TTYH1: variants seen among roughly 807,000 people sequenced by gnomAD.
TTYH1 encodes protein tweety homolog 1.
Under a neutral mutation model 61.2 loss-of-function variants are expected in TTYH1, and 33 were observed. The ratio of observed to expected loss-of-function variants is 0.54; its 90% CI spans 0.41 to 0.72. The LOEUF (loss-of-function observed/expected upper bound fraction) is 0.72, where lower values mean the gene tolerates loss of function less well. Among genes scored for constraint, TTYH1 ranks in the 30% least tolerant of loss-of-function variants. The pLI, the probability that TTYH1 is intolerant of heterozygous loss-of-function variation, is 0.00. For synonymous variants in TTYH1, 308 were observed against 266.4 expected (o/e 1.16, Z -1.52); for missense variants, 538 against 575.8 (o/e 0.93, Z 0.67).
Position 54,416,780 on chromosome 19 carries a change from C to T in TTYH1, c.126+1102C>T, listed in dbSNP as rs755284565. Reference sequence around the variant, plus strand: ...CCACACACGGGGACCGCCGTCCCCTCGCCCACAGCCTCGCGGTTACACAAC... The same window carrying T: ...CCACACACGGGGACCGCCGTCCCCTTGCCCACAGCCTCGCGGTTACACAAC... On this transcript the variant is annotated intron_variant, in intron 1 of 13. Transcript: ENST00000376530. The surrounding 1 kb of genome is among the most constrained non-coding windows in gnomAD (Gnocchi z 7.0). 17 of 1,293,652 alleles carry T rather than the reference C, an allele frequency of 1.3e-5. 1 individual carries two copies. In the South Asian group the frequency reaches 2.0e-4, roughly 15 times the overall value. 80.1% of individuals were successfully genotyped at this position (1,293,652 alleles called of 1,614,324 possible).
At chr19:54,430,451 G>GC in intron 7 of TTYH1, 99 bp from the exon 8 acceptor site, 2 of 1,326,444 alleles carry the variant, frequency 1.5e-6, no homozygotes, top group Non-Finnish European at 2.2e-6. Context: ...CTGGGCTGAG[G>GC]CCCCTAACCC....
intron 4 of TTYH1, 174 bp from the exon 5 acceptor site, chr19:54,426,499 C>G: frequency 3.2e-6 from 2 of 634,264 alleles, no homozygotes; most frequent in East Asian, 5.4e-5. Context: ...AACACTATTT[C>G]ACAGAGGACC....
intron 4 of TTYH1, among the ~76,000 whole-genome samples, chr19:54,424,022 G>A (rs1240688489): frequency 1.3e-5 from 2 of 152,072 alleles, no homozygotes; most frequent in East Asian, 1.9e-4. Flanking sequence ...TTAGCCGGGC[G>A]TGGTGGTGGG....
chr19:54,436,344 G>A lies in TTYH1; in HGVS notation c.*54G>A, dbSNP rs1346255661. 3 of 1,614,048 alleles carry A rather than the reference G, an allele frequency of 1.9e-6. No homozygotes were observed. Among genetic ancestry groups the A allele is most frequent in the Non-Finnish European group, 1.7e-6 (2 of 1,180,030 alleles). ...CCCTCTCTCCGCAGTTCCTTCCCTG[G>A]CTGCCGGAGGAGACCCCACTAACCC... On this transcript the variant is annotated 3_prime_UTR_variant, in exon 14 of 14. Coordinates refer to ENST00000376530, the MANE Select transcript of TTYH1 (RefSeq NM_020659.4). This position sits in a 1 kb window ranked among gnomAD's most constrained non-coding sequence, Gnocchi z 4.3.
intron 10 of TTYH1, chr19:54,433,176 C>T (rs1447286550): frequency 1.3e-5 from 2 of 152,202 alleles, no homozygotes; most frequent in Non-Finnish European, 2.9e-5. Flanking sequence ...GGACAGATCA[C>T]TCTACCCTTC....
In TTYH1 at chr19:54,421,140, C is replaced by T. The variant is rs914354139; in HGVS notation, c.306-137C>T. The T allele has an allele frequency of 7.9e-6, 5 of 632,522 alleles. No individual in the cohort carries two copies. The highest frequency in any genetic ancestry group is 1.8e-5 in the African/African-American group (1 of 54,832). The allele number at this position is 632,522 out of a possible 1,614,324, so 39.2% of individuals were successfully genotyped here. A position where few individuals can be genotyped will look rare whatever the true frequency, so the allele number is the denominator to read the frequency against. ...CCAGGCTGAAGTCGCCCTTTTCCCACGGGCTGGCCCAATGAGGTGGGGCTG... is the reference window on the plus strand; with the variant it reads ...CCAGGCTGAAGTCGCCCTTTTCCCATGGGCTGGCCCAATGAGGTGGGGCTG... On this transcript the variant is annotated intron_variant, in intron 2 of 13. Transcript: ENST00000376530. This position sits in a 1 kb window ranked among gnomAD's most constrained non-coding sequence, Gnocchi z 4.8.
Position 54,420,388 on chromosome 19 carries a change from C to T in TTYH1, c.306-889C>T, listed in dbSNP as rs577959020. 1.1e-3 allele frequency among the ~76,000 whole-genome samples: 160 copies of T among 152,238 alleles called. No homozygotes were observed. Among genetic ancestry groups the T allele is most frequent in the Non-Finnish European group, 1.8e-3 (122 of 67,994 alleles). ...AAGGCCCAGTGGGGGAGAGACACGG[C>T]CCCAGCCCCCGCAGCCTGGGAACAA... On this transcript the variant is annotated intron_variant, in intron 2 of 13. Coordinates refer to ENST00000376530, the MANE Select transcript of TTYH1 (RefSeq NM_020659.4). The surrounding 1 kb of genome is among the most constrained non-coding windows in gnomAD (Gnocchi z 4.8).
Position 54,429,205 on chromosome 19 carries a change from G to A in TTYH1, c.735-102G>A. The stretch of plus-strand genomic sequence containing the variant: ...AATTCTGATCCTCCAGGCTCCAGAG[G>A]TGGGTGGAGGTGGGGGGCGGCTGTG... On this transcript the variant is annotated intron_variant, in intron 5 of 13. Transcript: ENST00000376530. The surrounding 1 kb of genome is among the most constrained non-coding windows in gnomAD (Gnocchi z 5.1). 9.7e-7 allele frequency: 1 copy of A among 1,028,800 alleles called. No homozygotes were observed. Among genetic ancestry groups the A allele is most frequent in the African/African-American group, 1.6e-5 (1 of 63,780 alleles). The allele number at this position is 1,028,800 out of a possible 1,614,324, so 63.7% of individuals were successfully genotyped here. A position where few individuals can be genotyped will look rare whatever the true frequency, so the allele number is the denominator to read the frequency against.
At position 54,415,940 on chromosome 19, in the gene TTYH1, A is replaced by T; in HGVS notation, c.126+262A>T. ...CTGCACCCCTGAGTTCATGGAGAGGAGGGGAGGGGGGCCCGGATTCCCGGG... is the reference window on the plus strand; with the variant it reads ...CTGCACCCCTGAGTTCATGGAGAGGTGGGGAGGGGGGCCCGGATTCCCGGG... On this transcript the variant is annotated intron_variant, in intron 1 of 13. Transcript: ENST00000376530. This position sits in a 1 kb window ranked among gnomAD's most constrained non-coding sequence, Gnocchi z 5.2. 1.0e-6 allele frequency: 1 copy of T among 972,852 alleles called. No individual in the cohort carries two copies. The highest frequency in any genetic ancestry group is 1.5e-6 in the Non-Finnish European group (1 of 665,412). 60.3% of individuals were successfully genotyped at this position (972,852 alleles called of 1,614,324 possible).
rs936247800 is a variant in TTYH1 at position 54,416,476 on chromosome 19, T to C, written c.126+798T>C. On this transcript the variant is annotated intron_variant, in intron 1 of 13. Coordinates refer to ENST00000376530, the MANE Select transcript of TTYH1 (RefSeq NM_020659.4). This position sits in a 1 kb window ranked among gnomAD's most constrained non-coding sequence, Gnocchi z 7.0. ...TTCAAGTCCTTGACTTCGAGATTAA[T>C]GAGGAGAAAGGCTTGGCTGAGCTGG... The C allele has an allele frequency of 1.5e-4, 44 of 288,512 alleles. No individual in the cohort carries two copies. The highest frequency in any genetic ancestry group is 2.7e-4 in the Non-Finnish European group (40 of 146,792). The allele number at this position is 288,512 out of a possible 1,614,324, so 17.9% of individuals were successfully genotyped here.
chr19:54,435,781 A>T (rs1414543115), intron 11 of TTYH1, 47 bp from the exon 12 acceptor site: 1 of 1,613,286 alleles, frequency 6.2e-7, no homozygotes, highest in East Asian at 2.2e-5. Flanking sequence ...CAGCCTCCTG[A>T]TGGGTCCCCA....
rs1344940060 is a variant in TTYH1 at position 54,435,765 on chromosome 19, G to C, written c.1269-63G>C. On this transcript the variant is annotated intron_variant, in intron 11 of 13. Coordinates refer to ENST00000376530, the MANE Select transcript of TTYH1 (RefSeq NM_020659.4). ...GGGACCACGGTGGCAGTGGGGGTGG[G>C]GGGTGCAGCCTCCTGATGGGTCCCC... 4 of 1,612,842 alleles carry C rather than the reference G, an allele frequency of 2.5e-6. No individual in the cohort carries two copies. In the East Asian group the frequency reaches 8.9e-5, roughly 36 times the overall value.
rs890488330 is a variant in TTYH1 at position 54,415,820 on chromosome 19, G to C, written c.126+142G>C. Reference sequence around the variant, plus strand: ...CCCGGACTTTGGGGTTTCGGAGGGAGGAGGAGCCTGGGGGCGCCCATGCCT... The same window carrying C: ...CCCGGACTTTGGGGTTTCGGAGGGACGAGGAGCCTGGGGGCGCCCATGCCT... On this transcript the variant is annotated intron_variant, in intron 1 of 13. Transcript: ENST00000376530. This position sits in a 1 kb window ranked among gnomAD's most constrained non-coding sequence, Gnocchi z 5.2. 2.7e-5 allele frequency: 28 copies of C among 1,038,704 alleles called. No homozygotes were observed. The highest frequency in any genetic ancestry group is 1.6e-4 in the Admixed American group (5 of 31,406). 64.3% of individuals were successfully genotyped at this position (1,038,704 alleles called of 1,614,324 possible).
chr19:54,430,958 G>T (rs2083428271), intron 9 of TTYH1, 53 bp downstream of exon 9: 1 of 1,590,908 alleles, frequency 6.3e-7, no homozygotes, highest in Admixed American at 1.7e-5. Context: ...AAGGCGGACG[G>T]GGCGGGATGG....
chr19:54,430,047 G>A, intron 7 of TTYH1, 90 bp downstream of exon 7: 1 of 1,206,984 alleles, frequency 8.3e-7, no homozygotes, highest in Non-Finnish European at 1.2e-6. Context: ...CCTGCCCAGG[G>A]TGGGGTGGGG....
rs775934583 is a variant in TTYH1, at chr19:54,422,264, G to A, written c.492G>A (p.Pro164=). The A allele has an allele frequency of 3.1e-5, 49 of 1,565,846 alleles. No individual in the cohort carries two copies. The highest frequency in any genetic ancestry group is 9.4e-5 in the South Asian group (8 of 85,266). ...ELTTLEEVLE[P]RTELVAAARG... ...CCACCCTGGAGGAGGTGCTCGAGCC[G>A]CGCACGGAGCTGGTGGCTGCCGCCC... The change falls in exon 4 of 14, where the codon CCG becomes CCA. Residue 164 remains proline (P), a synonymous_variant. Transcript: ENST00000376530.
At chr19:54,422,148 C>G (rs1008659037) in intron 3 of TTYH1, 42 bp from the exon 4 acceptor site, 12 of 1,505,192 alleles carry the variant, frequency 8.0e-6, no homozygotes, top group African/African-American at 4.2e-5. Flanking sequence ...CGGGCTCCCC[C>G]CAGGATGTCC....
At position 54,419,157 on chromosome 19, in the gene TTYH1, C is replaced by T; in HGVS notation, c.156C>T (p.Gly52=). ...TGTTGCTGGTGGCGGCCTTGGCGGG[C>T]CTGGGCTTGGGCCTGAGCCTCATTT... ...QALLLVAALA[G]LGLGLSLIFI... Residue 52 remains glycine, a synonymous_variant, in exon 2 of 14, where the codon GGC becomes GGT. Transcript: ENST00000376530. This position sits in a 1 kb window ranked among gnomAD's most constrained non-coding sequence, Gnocchi z 6.1. The T allele has an allele frequency of 6.2e-7, 1 of 1,613,064 alleles. No individual in the cohort carries two copies. The highest frequency in any genetic ancestry group is 8.5e-7 in the Non-Finnish European group (1 of 1,179,752).
chr19:54,422,351 G>A lies in TTYH1; in HGVS notation c.579G>A (p.Gln193=), dbSNP rs1443034572. The A allele has an allele frequency of 1.3e-6, 2 of 1,576,382 alleles. No homozygotes were observed. The highest frequency in any genetic ancestry group is 1.9e-5 in the Admixed American group (1 of 52,842). ...AQQLQGLAFW[Q]GVPLSPLQVA... ...AGCTGCAGGGGCTGGCCTTCTGGCA[G>A]GGAGTGCCCCTGAGCCCCCTGCAGG... Residue 193 remains glutamine (Q), a synonymous_variant, in exon 4 of 14, where the codon CAG becomes CAA. Coordinates refer to ENST00000376530, the MANE Select transcript of TTYH1 (RefSeq NM_020659.4).
Sources: gnomAD v4.1 joint callset for allele counts (sites outside exome capture counted in the v4.1 genomes callset) on GRCh38, gnomAD v4.1.1 for gene constraint, Gnocchi (gnomAD v3.1) non-coding constraint, MANE v1.5 for transcripts, NCBI Gene and HGNC (gene_info 2026-07-23, HGNC 2026-07-21) for gene names.